Variants in MSRA observed in about 807,000 individuals in gnomAD.
The protein encoded by MSRA is mitochondrial peptide methionine sulfoxide reductase.
In MSRA, 54 loss-of-function variants were observed where a neutral mutation model predicts 31.3. The ratio of observed to expected loss-of-function variants is 1.73; its 90% CI spans 1.39 to 2.17. The LOEUF (loss-of-function observed/expected upper bound fraction) is 2.17. Among genes scored for constraint, MSRA ranks in the 30% most tolerant of loss-of-function variants. The pLI is 0.00. For synonymous variants in MSRA, 169 were observed against 116.5 expected, an observed-to-expected ratio of 1.45 and a Z score of -2.90; for missense variants, 507 against 300.9, an observed-to-expected ratio of 1.69 and a Z score of -5.07.
At chr8:10,166,617 C>G (rs958229854) in intron 1 of MSRA, among the ~76,000 whole-genome samples, 4 of 152,128 alleles carry the variant, frequency 2.6e-5, no homozygotes, top group Non-Finnish European at 4.4e-5. Flanking sequence ...GACTTTGTCT[C>G]ATTCTTCAGC....
intron 1 of MSRA, among the ~76,000 whole-genome samples, chr8:10,177,880 T>TA (rs1364123079): frequency 1.1e-4 from 17 of 152,108 alleles, no homozygotes; most frequent in African/African-American, 4.1e-4. Context: ...TGATGTAGAG[T>TA]GGGATTTTAG....
intron 1 of MSRA, among the ~76,000 whole-genome samples, chr8:10,188,534 G>A (rs1269961210): frequency 6.6e-6 from 1 of 152,208 alleles, no homozygotes; most frequent in African/African-American, 2.4e-5. Context: ...TTCAGGTTGT[G>A]AGCACTTTCA....
intron 1 of MSRA, among the ~76,000 whole-genome samples, chr8:10,188,855 T>G (rs1275868522): frequency 1.3e-5 from 2 of 152,216 alleles, no homozygotes; most frequent in Non-Finnish European, 2.9e-5. Context: ...CTATTTTAGG[T>G]ATTTTAATTT....
chr8:10,354,926 ATACT>A (rs1369521373), intron 5 of MSRA, among the ~76,000 whole-genome samples: 1 of 152,178 alleles, frequency 6.6e-6, no homozygotes, highest in Non-Finnish European at 1.5e-5. Context: ...CGTGATGAGC[ATACT>A]TACAGCTGAA....
intron 3 of MSRA, among the ~76,000 whole-genome samples, chr8:10,278,846 G>A (rs961631471): frequency 1.3e-5 from 2 of 152,152 alleles, no homozygotes; most frequent in Admixed American, 6.5e-5. Context: ...CTACATTCCC[G>A]TCAGACTAAT....
In MSRA at chr8:10,377,650, G is replaced by A. The variant is rs142558849; in HGVS notation, c.544-50498G>A. On this transcript the variant is annotated intron_variant, in intron 5 of 5. Transcript: ENST00000317173. ...GGCTCACGGAGACTGCTGGAACCCC[G>A]TGTCCAGAGCTTGGGAGCAAGCGGT... is the stretch of plus-strand genomic sequence containing the variant. Among the ~76,000 whole-genome samples the A allele has an allele frequency of 4.2e-3, 635 of 152,282 alleles. 1 individual carries two copies. Among genetic ancestry groups the A allele is most frequent in the African/African-American group, 0.014 (589 of 41,552 alleles).
At chr8:10,085,690 G>A (rs1798522659) in intron 1 of MSRA, among the ~76,000 whole-genome samples, 1 of 152,194 alleles carries the variant, frequency 6.6e-6, no homozygotes, top group Non-Finnish European at 1.5e-5. Flanking sequence ...CATCAATGCT[G>A]TCCAGTTTTA....
At chr8:10,073,141 C>G (rs1405371900) in intron 1 of MSRA, among the ~76,000 whole-genome samples, 1 of 151,874 alleles carries the variant, frequency 6.6e-6, no homozygotes, top group Non-Finnish European at 1.5e-5. Flanking sequence ...TGGATATTTC[C>G]CTAGCCTTAA....
rs1257055605 is a variant in MSRA, at chr8:10,364,273, C to T, written c.543+44284C>T. On this transcript the variant is annotated intron_variant, in intron 5 of 5. Transcript: ENST00000317173. ...CTTTGGATTTGGTTAGACTGTCATC[C>T]ATGAACACCCAGATAGAATTGTTGC... Among the ~76,000 whole-genome samples the T allele has an allele frequency of 3.9e-5, 6 of 152,202 alleles. No homozygotes were observed. The East Asian group carries it at 9.7e-4, about 24-fold the overall frequency.
At chr8:10,143,140 A>C (rs768907885) in intron 1 of MSRA, among the ~76,000 whole-genome samples, 1 of 152,186 alleles carries the variant, frequency 6.6e-6, no homozygotes, top group African/African-American at 2.4e-5. Flanking sequence ...GATTCCCTGC[A>C]CCGTCGTTTT....
intron 5 of MSRA, among the ~76,000 whole-genome samples, chr8:10,322,686 A>G (rs4509385): frequency 0.56 from 85,059 of 152,058 alleles, 24,158 homozygotes; most frequent in African/African-American, 0.61. Flanking sequence ...GGCCTAGCAC[A>G]TGGTAAATAC....
chr8:10,383,769 G>C (rs1240558358), intron 5 of MSRA, among the ~76,000 whole-genome samples: 2 of 152,160 alleles, frequency 1.3e-5, no homozygotes, highest in Non-Finnish European at 2.9e-5. Flanking sequence ...AGGGTGCTTT[G>C]AGCACATGGC....
Position 10,428,065 on chromosome 8 carries a change from C to T in MSRA, c.544-83C>T, listed in dbSNP as rs116782889. 5.6e-4 allele frequency: 824 copies of T among 1,472,254 alleles called. 4 individuals carry two copies. In the African/African-American group the frequency reaches 0.01, roughly 19 times the overall value. 91.2% of individuals were successfully genotyped at this position (1,472,254 alleles called of 1,614,324 possible). On this transcript the variant is annotated intron_variant, in intron 5 of 5. Coordinates refer to ENST00000317173, the MANE Select transcript of MSRA (RefSeq NM_012331.5). ...TCCCAAGCCACGCGTCTGCTCACTG[C>T]AGCCCTGGCCCCTCAGTGCCACCCC... is the stretch of plus-strand genomic sequence containing the variant.
At chr8:10,365,262 T>G (rs369156481) in intron 5 of MSRA, among the ~76,000 whole-genome samples, 1 of 150,152 alleles carries the variant, frequency 6.7e-6, no homozygotes, top group African/African-American at 2.5e-5. Flanking sequence ...CTTGTACCCC[T>G]CCCCCGCTCC....
rs572620949 is a variant in MSRA, at chr8:10,063,118, G to T, written c.142+8460G>T. Among the ~76,000 whole-genome samples the T allele has an allele frequency of 1.2e-4, 18 of 152,162 alleles. No homozygotes were observed. The South Asian group carries it at 1.9e-3, about 16-fold the overall frequency. ...CAAACTTAGCATTTTGTTTCCAAAA[G>T]ATTGACTACATATTTTAATTTCCCA... On this transcript the variant is annotated intron_variant, in intron 1 of 5. Transcript: ENST00000317173.
chr8:10,264,273 C>G (rs1798628991), intron 3 of MSRA, among the ~76,000 whole-genome samples: 1 of 152,188 alleles, frequency 6.6e-6, no homozygotes, highest in Non-Finnish European at 1.5e-5. Context: ...TATGAGAACT[C>G]CAGCTATTAG....
chr8:10,406,179 G>C (rs555288681), intron 5 of MSRA, among the ~76,000 whole-genome samples: 2 of 152,382 alleles, frequency 1.3e-5, no homozygotes, highest in African/African-American at 4.8e-5. Context: ...TGGCGGGAGA[G>C]AGTGTGTGTT....
At chr8:10,283,828 T>TACACACACAC (rs1289199754) in intron 3 of MSRA, among the ~76,000 whole-genome samples, 2 of 68,550 alleles carry the variant, frequency 2.9e-5, no homozygotes, top group African/African-American at 1.1e-4. Context: ...TATATATATA[T>TACACACACAC]ATATATATAC....
chr8:10,114,214 C>G (rs2129014930), intron 1 of MSRA, among the ~76,000 whole-genome samples: 1 of 152,292 alleles, frequency 6.6e-6, no homozygotes, highest in Non-Finnish European at 1.5e-5. Flanking sequence ...ATTTATCCAT[C>G]ATCAGTTGGT....
Sources: allele counts gnomAD v4.1 joint callset (sites outside exome capture counted in the v4.1 genomes callset), GRCh38; gene constraint gnomAD v4.1.1; transcripts MANE v1.5; gene names NCBI Gene and HGNC (gene_info 2026-07-23, HGNC 2026-07-21).